CLTC: variants seen among roughly 807,000 people sequenced by gnomAD.
CLTC encodes the protein clathrin heavy chain, also known as clathrin heavy chain 1.
CLTC carries 16 observed loss-of-function variants against 195.8 expected under a neutral mutation model. The ratio of observed to expected loss-of-function variants is 0.08; its 90% CI spans 0.06 to 0.12. CLTC has a LOEUF of 0.12. Ranked by LOEUF, CLTC falls within the 10% of genes least tolerant of loss-of-function variation. The pLI is 1.00. For synonymous variants in CLTC, 667 were observed against 689.4 expected (o/e 0.97, Z 0.51); for missense variants, 796 against 2,027.0 (o/e 0.39, Z 11.66).
Position 59,685,023 on chromosome 17 carries a change from G to T in CLTC, c.4435-33G>T. 6.8e-7 allele frequency: 1 copy of T among 1,474,958 alleles called. No individual in the cohort carries two copies. The highest frequency in any genetic ancestry group is 1.4e-5 in the South Asian group (1 of 71,096). The allele number at this position is 1,474,958 out of a possible 1,614,324, so 91.4% of individuals were successfully genotyped here. On this transcript the variant is annotated intron_variant, in intron 28 of 31. Coordinates refer to ENST00000269122, the MANE Select transcript of CLTC (RefSeq NM_004859.4). The surrounding 1 kb of genome is among the most constrained non-coding windows in gnomAD (Gnocchi z 5.0). ...GGAATATAATGTTAAACAAAATACTGATCTGGCATTTGGATGGCTTTTTTT... is the reference window on the plus strand; with the variant it reads ...GGAATATAATGTTAAACAAAATACTTATCTGGCATTTGGATGGCTTTTTTT...
Position 59,683,564 on chromosome 17 carries a change from A to ATT in CLTC, c.4191+29_4191+30dup, listed in dbSNP as rs745893795. On this transcript the variant is annotated intron_variant, in intron 26 of 31. Transcript: ENST00000269122. This position sits in a 1 kb window ranked among gnomAD's most constrained non-coding sequence, Gnocchi z 6.1. The stretch of plus-strand genomic sequence containing the variant: ...GTGTACTTTCTTCAGAAGATAAAGG[A>ATT]TTCAGAAGGAGAAAGCTCATTAGGA... 7 of 1,613,194 alleles carry ATT rather than the reference A, an allele frequency of 4.3e-6. No individual in the cohort carries two copies. The highest frequency in any genetic ancestry group is 4.2e-6 in the Non-Finnish European group (5 of 1,179,472).
At chr17:59,656,141 T>G (rs2032459735) in intron 6 of CLTC, 114 bp downstream of exon 6, 2 of 918,366 alleles carry the variant, frequency 2.2e-6, no homozygotes, top group South Asian at 3.8e-5. Context: ...ATAAACATAT[T>G]ACTGTTAGTT....
chr17:59,625,999 A>T (rs555744577), intron 1 of CLTC, among the ~76,000 whole-genome samples: 44 of 152,334 alleles, frequency 2.9e-4, no homozygotes, highest in African/African-American at 1.0e-3. Flanking sequence ...ATTTTTGTCC[A>T]GTACATTTTA....
At chr17:59,690,117 T>C (rs1369128833) in intron 30 of CLTC, 1 of 152,280 alleles carries the variant, frequency 6.6e-6, no homozygotes, top group Non-Finnish European at 1.5e-5. Context: ...AAAGATTGAA[T>C]ATGGAGCCAC....
In CLTC at chr17:59,681,930, G is replaced by T; in HGVS notation, c.3442+91G>T. 3 of 1,155,876 alleles carry T rather than the reference G, an allele frequency of 2.6e-6. No homozygotes were observed. The highest frequency in any genetic ancestry group is 3.6e-6 in the Non-Finnish European group (3 of 822,772). The allele number at this position is 1,155,876 out of a possible 1,614,324, so 71.6% of individuals were successfully genotyped here. A position where few individuals can be genotyped will look rare whatever the true frequency, so the allele number is the denominator to read the frequency against. Reference sequence around the variant, plus strand: ...TCTATTCTGAATTTTAGAAGAGTTGGATACTGCATGGTTTCTTTTAGTGCT... The same window carrying T: ...TCTATTCTGAATTTTAGAAGAGTTGTATACTGCATGGTTTCTTTTAGTGCT... On this transcript the variant is annotated intron_variant, in intron 21 of 31. Transcript: ENST00000269122. This position sits in a 1 kb window ranked among gnomAD's most constrained non-coding sequence, Gnocchi z 5.0.
chr17:59,687,843 T>C, intron 30 of CLTC, among the ~76,000 whole-genome samples: 1 of 152,230 alleles, frequency 6.6e-6, no homozygotes, highest in Non-Finnish European at 1.5e-5. Context: ...TTTTGGTTGC[T>C]GCTTCCTTCA....
At chr17:59,653,505 CCTT>C (rs1244979377) in intron 5 of CLTC, among the ~76,000 whole-genome samples, 5 of 150,144 alleles carry the variant, frequency 3.3e-5, no homozygotes, top group Admixed American at 3.3e-4. Context: ...CTCTCCCTCT[CCTT>C]CTGCCTCTCC....
chr17:59,649,486 C>A (rs1239146776), intron 4 of CLTC, among the ~76,000 whole-genome samples: 1 of 152,124 alleles, frequency 6.6e-6, no homozygotes, highest in Admixed American at 6.5e-5. Flanking sequence ...GTTTGGTGCT[C>A]CTAAAACAGA....
chr17:59,686,454 G>C (rs539641699), intron 30 of CLTC, among the ~76,000 whole-genome samples: 8 of 151,934 alleles, frequency 5.3e-5, no homozygotes, highest in Non-Finnish European at 4.4e-5. Flanking sequence ...GATCCTTTTC[G>C]TCAAAGCAAA....
chr17:59,683,589 A>G lies in CLTC; in HGVS notation c.4192-36A>G. 1 of 1,613,512 alleles carries G rather than the reference A, an allele frequency of 6.2e-7. No homozygotes were observed. The highest frequency in any genetic ancestry group is 1.1e-5 in the South Asian group (1 of 91,040). On this transcript the variant is annotated intron_variant, in intron 26 of 31. Coordinates refer to ENST00000269122, the MANE Select transcript of CLTC (RefSeq NM_004859.4). The surrounding 1 kb of genome is among the most constrained non-coding windows in gnomAD (Gnocchi z 6.1). ...ATTCAGAAGGAGAAAGCTCATTAGG[A>G]AGTAACTGACTTATGTATGGATTTT...
At chr17:59,637,682 G>A (rs1195923211) in intron 1 of CLTC, among the ~76,000 whole-genome samples, 1 of 137,308 alleles carries the variant, frequency 7.3e-6, no homozygotes, top group Admixed American at 7.6e-5. Context: ...GGGAAACAAA[G>A]TGCTGCCTAT....
rs2033440765 is a variant in CLTC, at chr17:59,696,857, G to A, written c.*3005G>A. 2 of 201,494 alleles carry A rather than the reference G, an allele frequency of 9.9e-6. No homozygotes were observed. Among genetic ancestry groups the A allele is most frequent in the Non-Finnish European group, 2.0e-5 (2 of 97,794 alleles). 12.5% of individuals were successfully genotyped at this position (201,494 alleles called of 1,614,324 possible). A position where few individuals can be genotyped will look rare whatever the true frequency, so the allele number is the denominator to read the frequency against. On this transcript the variant is annotated 3_prime_UTR_variant, in exon 32 of 32. Transcript: ENST00000269122. ...GGGGGGAAGTGAGAAACTTTAATAG[G>A]CTGTGATTTAGAACCACTGCTGATT... is the stretch of plus-strand genomic sequence containing the variant.
At chr17:59,674,927 C>A in intron 16 of CLTC, 84 bp downstream of exon 16, 1 of 1,325,702 alleles carries the variant, frequency 7.5e-7, no homozygotes, top group Non-Finnish European at 1.1e-6. Flanking sequence ...TGTTCCAAAG[C>A]TACTAAATAA....
At chr17:59,667,438 C>T (rs956420519) in intron 13 of CLTC, among the ~76,000 whole-genome samples, 7 of 152,110 alleles carry the variant, frequency 4.6e-5, no homozygotes, top group African/African-American at 1.7e-4. Context: ...ATCTGAAACA[C>T]GTCTGGTCTC....
At position 59,680,938 on chromosome 17, in the gene CLTC, T is replaced by A; in HGVS notation, c.2946T>A (p.Thr982=). ...TTGTACAAACAGCTTTGTCTGAGAC[T>A]CAGGACCCTGAAGAAGTGTCAGTAA... The part of the protein sequence containing the change: ...DQVVQTALSE[T]QDPEEVSVTV... The change falls in exon 19 of 32, where the codon ACT becomes ACA. Residue 982 remains threonine (T), a synonymous_variant. Coordinates refer to ENST00000269122, the MANE Select transcript of CLTC (RefSeq NM_004859.4). 2 of 1,613,878 alleles carry A rather than the reference T, an allele frequency of 1.2e-6. No homozygotes were observed. Among genetic ancestry groups the A allele is most frequent in the Non-Finnish European group, 1.7e-6 (2 of 1,179,824 alleles).
chr17:59,658,016 T>C (rs1019753069), intron 6 of CLTC, among the ~76,000 whole-genome samples: 2 of 151,984 alleles, frequency 1.3e-5, no homozygotes, highest in African/African-American at 4.8e-5. Flanking sequence ...CTGACCAATA[T>C]GGTGAAACCT....
intron 31 of CLTC, 50 bp from the exon 32 acceptor site, chr17:59,693,678 C>G: frequency 6.4e-7 from 1 of 1,568,614 alleles, no homozygotes; most frequent in Non-Finnish European, 8.6e-7. Flanking sequence ...ACAGTTTGTC[C>G]TGCCTCCTTG....
chr17:59,633,086 T>C (rs1405994387), intron 1 of CLTC, among the ~76,000 whole-genome samples: 1 of 152,102 alleles, frequency 6.6e-6, no homozygotes, highest in Non-Finnish European at 1.5e-5. Context: ...TTGAACTCCC[T>C]GAATTTGTTA....
rs752253914 is a variant in CLTC, at chr17:59,661,483, G to A, written c.1208G>A (p.Ser403Asn). ...RTPDTIRRFQ[S>N]VPAQPGQTSP... Reference sequence around the variant, plus strand: ...CCAGACACTATCCGTCGGTTCCAGAGTGTCCCAGCCCAGCCAGGTCAAACT... The same window carrying A: ...CCAGACACTATCCGTCGGTTCCAGAATGTCCCAGCCCAGCCAGGTCAAACT... The change falls in exon 8 of 32, where the codon AGT becomes AAT. Residue 403 changes from serine to asparagine, a missense_variant. Coordinates refer to ENST00000269122, the MANE Select transcript of CLTC (RefSeq NM_004859.4). 5 of 1,614,040 alleles carry A rather than the reference G, an allele frequency of 3.1e-6. No homozygotes were observed. Among genetic ancestry groups the A allele is most frequent in the Non-Finnish European group, 3.4e-6 (4 of 1,179,942 alleles).
Sources: gnomAD v4.1 joint callset for allele counts (sites outside exome capture counted in the v4.1 genomes callset) on GRCh38, gnomAD v4.1.1 for gene constraint, Gnocchi (gnomAD v3.1) non-coding constraint, MANE v1.5 for transcripts, NCBI Gene and HGNC (gene_info 2026-07-23, HGNC 2026-07-21) for gene names.